The following FAM169A variants were observed in gnomAD, a reference collection of about 807,000 sequenced individuals.
The protein encoded by FAM169A is soluble lamin-associated protein of 75 kDa.
FAM169A carries 24 observed loss-of-function variants against 75.7 expected under a neutral mutation model. The observed-to-expected ratio is 0.32, with a 90% CI of 0.23 to 0.45. FAM169A has a LOEUF of 0.45. FAM169A is among the 20% of genes least tolerant of loss of function. FAM169A has a pLI of 1.00. For missense variants in FAM169A, 673 were observed against 784.0 expected, an observed-to-expected ratio of 0.86 and a Z score of 1.69; for synonymous variants, 271 against 271.0, an observed-to-expected ratio of 1.00 and a Z score of 0.00.
intron 11 of FAM169A, among the ~76,000 whole-genome samples, chr5:74,783,923 A>T (rs73116705): frequency 0.024 from 3,648 of 152,300 alleles, 145 homozygotes; most frequent in African/African-American, 0.084. Context: ...CCCTAAAAGC[A>T]TATCAAGGAA....
At chr5:74,837,176 A>G (rs927761807) in intron 4 of FAM169A, among the ~76,000 whole-genome samples, 6 of 152,148 alleles carry the variant, frequency 3.9e-5, no homozygotes, top group African/African-American at 1.2e-4. Flanking sequence ...GCCAAACCTC[A>G]GTCATGTTAA....
At position 74,783,100 on chromosome 5, in the gene FAM169A, A is replaced by G. The variant is rs542312668; in HGVS notation, c.1295T>C (p.Met432Thr). The part of the protein sequence containing the change: ...SELEPMNGEI[M>T]DDSLKTSLIT... ...AAGTGAGGTCTTAAGAGAATCGTCC[A>G]TTATCTCACCATTCATAGGCTCTAA... Residue 432 changes from methionine to threonine, a missense_variant, in exon 12 of 13, where the codon ATG becomes ACG. Physicochemically the swap from Met to Thr is moderately conservative, Grantham distance 81. Coordinates refer to ENST00000687041, the MANE Select transcript of FAM169A (RefSeq NM_001376049.1). 1.9e-6 allele frequency: 3 copies of G among 1,613,658 alleles called. No individual in the cohort carries two copies. The highest frequency in any genetic ancestry group is 1.1e-5 in the South Asian group (1 of 91,070).
At chr5:74,839,262 C>T (rs1160291275) in intron 3 of FAM169A, among the ~76,000 whole-genome samples, 2 of 152,086 alleles carry the variant, frequency 1.3e-5, no homozygotes. Flanking sequence ...CAAATCTCAT[C>T]TTGAACTGTA....
chr5:74,797,868 CTAAAAATATATAAGCTTAATAATATA>C (rs1746359645), intron 10 of FAM169A, among the ~76,000 whole-genome samples: 1 of 151,990 alleles, frequency 6.6e-6, no homozygotes, highest in Non-Finnish European at 1.5e-5. Flanking sequence ...CAAACATTAA[CTAAAAATATATAAGCTTAATAATATA>C]TAAAAATATA....
intron 6 of FAM169A, among the ~76,000 whole-genome samples, chr5:74,807,725 T>C (rs1051600111): frequency 6.6e-6 from 1 of 152,218 alleles, no homozygotes; most frequent in African/African-American, 2.4e-5. Context: ...AAATGAATTA[T>C]GGCTACCTAA....
At chr5:74,842,875 G>C (rs1269812943) in intron 1 of FAM169A, among the ~76,000 whole-genome samples, 2 of 152,064 alleles carry the variant, frequency 1.3e-5, no homozygotes, top group Non-Finnish European at 2.9e-5. Context: ...AACTGGGGTG[G>C]GAGTAGGGTA....
At chr5:74,841,722 GC>G in intron 1 of FAM169A, 43 bp from the exon 2 acceptor site, 2 of 1,525,456 alleles carry the variant, frequency 1.3e-6, no homozygotes, top group East Asian at 2.4e-5. Flanking sequence ...AATATGAAAC[GC>G]CATCTTCCTT....
intron 5 of FAM169A, among the ~76,000 whole-genome samples, chr5:74,834,223 T>C (rs1307347218): frequency 6.6e-6 from 1 of 152,174 alleles, no homozygotes; most frequent in Admixed American, 6.5e-5. Context: ...AAATGTTTAT[T>C]TTTATTTTGT....
chr5:74,780,160 A>T lies in FAM169A; in HGVS notation c.*1300T>A, dbSNP rs1159919051. ...AATTTTCCTAGGCCTTTGTTATGGC[A>T]ACACAATATATACTTAACAGGCCAG... On this transcript the variant is annotated 3_prime_UTR_variant, in exon 13 of 13. Coordinates refer to ENST00000687041, the MANE Select transcript of FAM169A (RefSeq NM_001376049.1). 2 of 152,248 alleles carry T rather than the reference A, an allele frequency of 1.3e-5. No homozygotes were observed. The highest frequency in any genetic ancestry group is 3.9e-4 in the East Asian group (2 of 5,188). The allele number at this position is 152,248 out of a possible 1,614,324, so 9.4% of individuals were successfully genotyped here.
At chr5:74,825,221 A>G (rs1432512338) in intron 5 of FAM169A, among the ~76,000 whole-genome samples, 1 of 152,158 alleles carries the variant, frequency 6.6e-6, no homozygotes, top group South Asian at 2.1e-4. Flanking sequence ...TATGAACTCT[A>G]TCTTCTTAAA....
intron 5 of FAM169A, among the ~76,000 whole-genome samples, chr5:74,829,699 C>T (rs895275772): frequency 3.9e-5 from 6 of 152,262 alleles, no homozygotes; most frequent in African/African-American, 1.4e-4. Flanking sequence ...GCCCGACAGG[C>T]GTGGTGACTC....
intron 1 of FAM169A, among the ~76,000 whole-genome samples, chr5:74,845,462 G>A (rs2112690826): frequency 6.6e-6 from 1 of 152,268 alleles, no homozygotes; most frequent in East Asian, 1.9e-4. Flanking sequence ...AGGTTGCAGT[G>A]AGCCGAGATT....
chr5:74,783,680 G>A (rs1341684435), intron 11 of FAM169A, among the ~76,000 whole-genome samples: 1 of 152,096 alleles, frequency 6.6e-6, no homozygotes, highest in Non-Finnish European at 1.5e-5. Context: ...CAACACCAGG[G>A]TCATTTCTGA....
intron 6 of FAM169A, 108 bp downstream of exon 6, chr5:74,813,732 G>A (rs1441921011): frequency 5.3e-6 from 4 of 756,326 alleles, no homozygotes; most frequent in Non-Finnish European, 5.8e-6. Flanking sequence ...AGAGCCTAAG[G>A]TTCCAAATTT....
At chr5:74,783,184 CTT>C (rs1245195949) in intron 11 of FAM169A, 50 bp from the exon 12 acceptor site, 1 of 1,380,554 alleles carries the variant, frequency 7.2e-7, no homozygotes, top group South Asian at 1.2e-5. Context: ...TACAAACTAA[CTT>C]ATTTGTCATG....
chr5:74,834,999 T>TAAAAAAAA (rs34697673), intron 4 of FAM169A, among the ~76,000 whole-genome samples: 3 of 131,128 alleles, frequency 2.3e-5, no homozygotes, highest in Admixed American at 7.7e-5. Flanking sequence ...TCTCCACATT[T>TAAAAAAAA]AAAAAAAAAA....
In FAM169A at chr5:74,838,489, C is replaced by T. The variant is rs144377802; in HGVS notation, c.318+476G>A. On this transcript the variant is annotated intron_variant, in intron 4 of 12. Coordinates refer to ENST00000687041, the MANE Select transcript of FAM169A (RefSeq NM_001376049.1). Reference sequence around the variant, plus strand: ...ATGAAAACCAGCTTCCTTCCTGCAACGTTCTTCAGCTGGCTGCCTTCTACT... The same window carrying T: ...ATGAAAACCAGCTTCCTTCCTGCAATGTTCTTCAGCTGGCTGCCTTCTACT... Among the ~76,000 whole-genome samples, 15 of 152,280 alleles carry T rather than the reference C, an allele frequency of 9.9e-5. No individual in the cohort carries two copies. In the East Asian group the frequency reaches 2.7e-3, roughly 27 times the overall value.
chr5:74,820,467 A>C (rs951832165), intron 5 of FAM169A, among the ~76,000 whole-genome samples: 7 of 152,022 alleles, frequency 4.6e-5, no homozygotes, highest in Admixed American at 1.3e-4. Context: ...TTTTTTAGTA[A>C]ACCTCGCCCC....
At chr5:74,782,630 T>C (rs1292665133) in intron 12 of FAM169A, among the ~76,000 whole-genome samples, 1 of 152,230 alleles carries the variant, frequency 6.6e-6, no homozygotes, top group Non-Finnish European at 1.5e-5. Context: ...ATGTAACAAA[T>C]ATAGGTACTC....
Sources: allele counts gnomAD v4.1 joint callset (sites outside exome capture counted in the v4.1 genomes callset), GRCh38; gene constraint gnomAD v4.1.1; transcripts MANE v1.5; gene names NCBI Gene and HGNC (gene_info 2026-07-23, HGNC 2026-07-21).